Variants in NCKAP5 observed in about 807,000 individuals in gnomAD.
NCKAP5 encodes nck-associated protein 5.
In NCKAP5, 92 loss-of-function variants were observed where a neutral mutation model predicts 167.0. The observed-to-expected ratio is 0.55, with a 90% CI of 0.47 to 0.66. The LOEUF (loss-of-function observed/expected upper bound fraction) is 0.66. Ranked by LOEUF, NCKAP5 falls within the 30% of genes least tolerant of loss-of-function variation. The pLI is 0.00. For synonymous variants in NCKAP5, 891 were observed against 877.4 expected (o/e 1.02, Z -0.27); for missense variants, 2,378 against 2,315.0 (o/e 1.03, Z -0.56).
chr2:132,714,678 A>G (rs879012212), intron 19 of NCKAP5, among the ~76,000 whole-genome samples: 19 of 152,198 alleles, frequency 1.2e-4, no homozygotes, highest in Middle Eastern at 6.8e-3. Context: ...TTAGCCGGGC[A>G]TGGTGGCGCA....
rs185408122 is a variant in NCKAP5 at position 133,463,126 on chromosome 2, C to T, written c.69+54332G>A. Among the ~76,000 whole-genome samples, 178 of 152,254 alleles carry T rather than the reference C, an allele frequency of 1.2e-3. 1 individual carries two copies. The highest frequency in any genetic ancestry group is 3.5e-3 in the African/African-American group (146 of 41,560). On this transcript the variant is annotated intron_variant, in intron 3 of 19. Coordinates refer to ENST00000409261, the MANE Select transcript of NCKAP5 (RefSeq NM_207363.3). ...TAATATTATTAATAGTCACAGGGTA[C>T]AATAAAAGAAAATTAAGTGTTTATT... is the stretch of plus-strand genomic sequence containing the variant.
chr2:132,985,324 T>C (rs1245675801), intron 7 of NCKAP5, among the ~76,000 whole-genome samples: 4 of 152,266 alleles, frequency 2.6e-5, no homozygotes, highest in African/African-American at 9.6e-5. Flanking sequence ...AATGTACATA[T>C]CTATTTCAAC....
chr2:133,417,763 A>T (rs1160790167), intron 3 of NCKAP5, among the ~76,000 whole-genome samples: 2 of 152,142 alleles, frequency 1.3e-5, no homozygotes, highest in Non-Finnish European at 2.9e-5. Flanking sequence ...TGGAGAAGAG[A>T]AGGCTGGAGG....
chr2:132,718,593 A>G (rs577387029), intron 19 of NCKAP5, among the ~76,000 whole-genome samples: 1 of 152,330 alleles, frequency 6.6e-6, no homozygotes, highest in African/African-American at 2.4e-5. Context: ...TTGAGAAAAA[A>G]TTGGACAAAT....
chr2:133,332,273 A>G (rs929610466), intron 3 of NCKAP5, among the ~76,000 whole-genome samples: 5 of 152,184 alleles, frequency 3.3e-5, no homozygotes, highest in Non-Finnish European at 4.4e-5. Flanking sequence ...TATAAACACC[A>G]TCAATGTACC....
chr2:133,244,102 A>G (rs2087860630), intron 4 of NCKAP5, among the ~76,000 whole-genome samples: 1 of 152,118 alleles, frequency 6.6e-6, no homozygotes, highest in South Asian at 2.1e-4. Flanking sequence ...CCAGAGATCT[A>G]TTTCTAGATT....
the NCKAP5 span, among the ~76,000 whole-genome samples, chr2:133,616,056 G>C: frequency 1.3e-5 from 2 of 151,170 alleles, no homozygotes; most frequent in East Asian, 1.9e-4. Context: ...TGACTACTGG[G>C]TACATAACGA....
chr2:133,598,859 G>A, the NCKAP5 span, among the ~76,000 whole-genome samples: 1 of 152,184 alleles, frequency 6.6e-6, no homozygotes, highest in Non-Finnish European at 1.5e-5. Flanking sequence ...AAATCAAGGT[G>A]TCATGCTCCT....
chr2:133,436,108 C>A (rs888632473), intron 3 of NCKAP5, among the ~76,000 whole-genome samples: 5 of 152,194 alleles, frequency 3.3e-5, no homozygotes, highest in African/African-American at 4.8e-5. Flanking sequence ...ACCATCCCCC[C>A]ACTCCCCAAA....
chr2:133,216,781 G>A (rs1024212474), intron 4 of NCKAP5, among the ~76,000 whole-genome samples: 2 of 152,012 alleles, frequency 1.3e-5, no homozygotes, highest in African/African-American at 4.8e-5. Flanking sequence ...GATACAAGGA[G>A]GCAAAACTTA....
chr2:132,825,792 C>T (rs1043707974), intron 11 of NCKAP5, among the ~76,000 whole-genome samples: 6 of 152,148 alleles, frequency 3.9e-5, no homozygotes, highest in African/African-American at 1.4e-4. Context: ...CAGATGGTAA[C>T]AAAAAATCTT....
At chr2:133,388,406 G>T (rs915165680) in intron 3 of NCKAP5, among the ~76,000 whole-genome samples, 1 of 152,168 alleles carries the variant, frequency 6.6e-6, no homozygotes, top group Non-Finnish European at 1.5e-5. Context: ...TGGAGGTTTC[G>T]TCTCAGAGGG....
chr2:133,132,008 A>G, intron 5 of NCKAP5, among the ~76,000 whole-genome samples: 1 of 152,024 alleles, frequency 6.6e-6, no homozygotes, highest in East Asian at 1.9e-4. Flanking sequence ...AGTACATGCT[A>G]CGAAGAATGT....
intron 3 of NCKAP5, among the ~76,000 whole-genome samples, chr2:133,450,458 A>G (rs1447433362): frequency 6.6e-6 from 1 of 152,214 alleles, no homozygotes; most frequent in East Asian, 1.9e-4. Flanking sequence ...CGTTTTTAAA[A>G]GCCATTCATA....
chr2:133,560,913 T>C (rs1003370461), intron 1 of NCKAP5, among the ~76,000 whole-genome samples: 2 of 152,208 alleles, frequency 1.3e-5, no homozygotes, highest in African/African-American at 2.4e-5. Context: ...CAGTCAATAC[T>C]GGGTTCCCCA....
intron 3 of NCKAP5, among the ~76,000 whole-genome samples, chr2:133,487,389 T>C (rs560116760): frequency 1.1e-4 from 16 of 152,116 alleles, no homozygotes; most frequent in Non-Finnish European, 2.4e-4. Flanking sequence ...AAAAGGGCAC[T>C]GTAGTGGGAG....
At chr2:133,487,825 A>C (rs1681048514) in intron 3 of NCKAP5, among the ~76,000 whole-genome samples, 2 of 152,184 alleles carry the variant, frequency 1.3e-5, no homozygotes, top group Admixed American at 1.3e-4. Context: ...CAGTTCTCAA[A>C]GACCCACGAC....
rs572329472 is a variant in NCKAP5 at position 132,729,065 on chromosome 2, T to C, written c.5444-113A>G. On this transcript the variant is annotated intron_variant, in intron 17 of 19. Coordinates refer to ENST00000409261, the MANE Select transcript of NCKAP5 (RefSeq NM_207363.3). ...AATAATAAAAAAGGTCCAAATACAG[T>C]GAAAGCTGGGCTTCCTGCCACTCTG... The C allele has an allele frequency of 1.0e-4, 145 of 1,412,892 alleles. No individual in the cohort carries two copies. The Middle Eastern group carries it at 2.4e-3, about 23-fold the overall frequency. 87.5% of individuals were successfully genotyped at this position (1,412,892 alleles called of 1,614,324 possible).
At chr2:132,980,416 T>C (rs186344996) in intron 7 of NCKAP5, among the ~76,000 whole-genome samples, 1 of 152,280 alleles carries the variant, frequency 6.6e-6, no homozygotes, top group East Asian at 1.9e-4. Flanking sequence ...TTAGTGTTTT[T>C]TTGTTTTGTT....
Sources: gnomAD v4.1 joint callset for allele counts (sites outside exome capture counted in the v4.1 genomes callset) on GRCh38, gnomAD v4.1.1 for gene constraint, MANE v1.5 for transcripts, NCBI Gene and HGNC (gene_info 2026-07-23, HGNC 2026-07-21) for gene names.